The following ATP10B variants were observed in gnomAD, a reference collection of about 807,000 sequenced individuals.
The protein encoded by ATP10B is phospholipid-transporting ATPase VB.
ATP10B carries 122 observed loss-of-function variants against 141.2 expected under a neutral mutation model. The observed-to-expected ratio is 0.86, with a 90% CI of 0.75 to 1.00. The LOEUF (loss-of-function observed/expected upper bound fraction) is 1.00. ATP10B is among the 50% of genes least tolerant of loss of function. The pLI is 0.00. For synonymous variants in ATP10B, 685 were observed against 692.0 expected (o/e 0.99, Z 0.16); for missense variants, 1,876 against 1,825.3 (o/e 1.03, Z -0.51).
At chr5:160,812,875 G>A (rs1773273087) in intron 1 of ATP10B, among the ~76,000 whole-genome samples, 1 of 152,094 alleles carries the variant, frequency 6.6e-6, no homozygotes, top group Non-Finnish European at 1.5e-5. Context: ...CAAATCTAAG[G>A]AAACATATTA....
At chr5:160,666,602 A>T (rs1022862313) in intron 7 of ATP10B, among the ~76,000 whole-genome samples, 2 of 152,122 alleles carry the variant, frequency 1.3e-5, no homozygotes, top group African/African-American at 2.4e-5. Context: ...TGCAACATTT[A>T]TTTTTCTTGC....
rs766497838 is a variant in ATP10B, at chr5:160,589,651, T to C, written c.3691A>G (p.Ile1231Val). 5.6e-5 allele frequency: 91 copies of C among 1,614,028 alleles called. No homozygotes were observed. Among genetic ancestry groups the C allele is most frequent in the Middle Eastern group, 1.6e-4 (1 of 6,084 alleles). Reference protein sequence around the residue: ...DIDVFTFGTPINTISLTTILL... With the variant: ...DIDVFTFGTPVNTISLTTILL... Reference sequence around the variant, plus strand: ...ATTGTGGTGAGGGAGATGGTGTTGATTGGTGTCCCAAAGGTAAAGACATCT... The same window carrying C: ...ATTGTGGTGAGGGAGATGGTGTTGACTGGTGTCCCAAAGGTAAAGACATCT... The change falls in exon 24 of 26, where the codon ATC (isoleucine) becomes GTC (valine). Residue 1231 changes from isoleucine (I) to valine (V), a missense_variant. Transcript: ENST00000327245.
chr5:160,918,939 G>C, the ATP10B span, among the ~76,000 whole-genome samples: 27 of 152,106 alleles, frequency 1.8e-4, no homozygotes, highest in South Asian at 4.1e-4. Flanking sequence ...ACAAAGCAGG[G>C]AGTGGGCCGG....
the ATP10B span, among the ~76,000 whole-genome samples, chr5:160,888,222 G>C: frequency 6.6e-6 from 1 of 152,170 alleles, no homozygotes; most frequent in Non-Finnish European, 1.5e-5. Context: ...TGCCTAATTA[G>C]AGGATAAAAT....
chr5:160,748,991 A>G (rs1336143283), intron 2 of ATP10B, among the ~76,000 whole-genome samples: 2 of 152,204 alleles, frequency 1.3e-5, no homozygotes, highest in East Asian at 3.8e-4. Flanking sequence ...TTTTGTACAG[A>G]CAAGGAAATA....
chr5:160,815,866 A>G (rs1162795136), intron 1 of ATP10B, among the ~76,000 whole-genome samples: 2 of 152,244 alleles, frequency 1.3e-5, no homozygotes, highest in Non-Finnish European at 2.9e-5. Flanking sequence ...ACTCACTTAA[A>G]ACCACTCAAC....
At chr5:160,572,197 T>TTC (rs1554090957) in intron 24 of ATP10B, among the ~76,000 whole-genome samples, 75 of 151,524 alleles carry the variant, frequency 4.9e-4, no homozygotes, top group African/African-American at 1.5e-3. Flanking sequence ...AGTTTTTTTT[T>TTC]CCCCTTTTTT....
At position 160,680,782 on chromosome 5, in the gene ATP10B, ATCCCATCTCTTGCC is replaced by A. The variant is rs1561745494; in HGVS notation, c.470+5283_470+5296del. 1.5e-4 allele frequency among the ~76,000 whole-genome samples: 23 copies of A among 152,340 alleles called. 1 individual carries two copies. In the East Asian group the frequency reaches 4.2e-3, roughly 28 times the overall value. On this transcript the variant is annotated intron_variant, in intron 6 of 25. Coordinates refer to ENST00000327245, the MANE Select transcript of ATP10B (RefSeq NM_025153.3). ...GCTCAGGTATAACCTAGTTAGTACA[ATCCCATCTCTTGCC>A]CCTAGGGATTGGTTTAGGGATGAAC... is the stretch of plus-strand genomic sequence containing the variant.
At chr5:160,881,868 G>T in the ATP10B span, among the ~76,000 whole-genome samples, 1 of 152,130 alleles carries the variant, frequency 6.6e-6, no homozygotes, top group African/African-American at 2.4e-5. Flanking sequence ...ACGCAACCAA[G>T]ATTTCCTTCT....
chr5:160,854,262 G>T (rs1196818980), upstream of ATP10B, among the ~76,000 whole-genome samples: 2 of 152,020 alleles, frequency 1.3e-5, no homozygotes. Context: ...GTGCCATGGT[G>T]GTTTGCTGCA....
intron 14 of ATP10B, among the ~76,000 whole-genome samples, chr5:160,621,356 A>T (rs1369420286): frequency 1.3e-5 from 2 of 152,172 alleles, no homozygotes; most frequent in Non-Finnish European, 2.9e-5. Context: ...GTGTGTAGGG[A>T]GTAGAGTTGG....
the ATP10B span, among the ~76,000 whole-genome samples, chr5:160,889,565 GC>G: frequency 7.9e-5 from 12 of 152,218 alleles, no homozygotes; most frequent in Non-Finnish European, 1.5e-4. Context: ...CATTCAACAA[GC>G]CTTTGAGCAC....
chr5:160,907,638 G>A, the ATP10B span, among the ~76,000 whole-genome samples: 2 of 152,152 alleles, frequency 1.3e-5, no homozygotes, highest in Non-Finnish European at 2.9e-5. Flanking sequence ...TGGGATTACA[G>A]GCATGAGCCA....
At position 160,748,259 on chromosome 5, in the gene ATP10B, C is replaced by T. The variant is rs77012249; in HGVS notation, c.-330-31225G>A. The stretch of plus-strand genomic sequence containing the variant: ...CCCAGCATCTTGAAACTGACTTTAA[C>T]AGGCTTCTTAACATTCAGCACAGCC... On this transcript the variant is annotated intron_variant, in intron 2 of 25. Transcript: ENST00000327245. Among the ~76,000 whole-genome samples, 1,005 of 152,308 alleles carry T rather than the reference C, an allele frequency of 6.6e-3. 30 individuals carry two copies. The East Asian group carries it at 0.092, about 14-fold the overall frequency.
chr5:160,903,375 G>A, the ATP10B span, among the ~76,000 whole-genome samples: 2 of 152,170 alleles, frequency 1.3e-5, no homozygotes, highest in South Asian at 2.1e-4. Flanking sequence ...CATCCCTAGA[G>A]CACAGAAAGA....
intron 2 of ATP10B, among the ~76,000 whole-genome samples, chr5:160,720,553 C>T (rs1009240528): frequency 1.3e-5 from 2 of 152,194 alleles, no homozygotes; most frequent in Non-Finnish European, 2.9e-5. Context: ...TTCAATCAGG[C>T]GTTGGCCAAG....
At chr5:160,782,017 A>C (rs2127883249) in intron 2 of ATP10B, among the ~76,000 whole-genome samples, 1 of 152,326 alleles carries the variant, frequency 6.6e-6, no homozygotes, top group African/African-American at 2.4e-5. Context: ...TGTGGGATAG[A>C]AAGTATTATA....
At chr5:160,846,142 CAA>C (rs1776102783) in intron 1 of ATP10B, among the ~76,000 whole-genome samples, 1 of 152,000 alleles carries the variant, frequency 6.6e-6, no homozygotes, top group African/African-American at 2.4e-5. Context: ...TGTCAGTCCA[CAA>C]ACTGTTTACT....
intron 22 of ATP10B, among the ~76,000 whole-genome samples, chr5:160,594,289 A>G (rs867573358): frequency 4.6e-5 from 7 of 152,344 alleles, no homozygotes; most frequent in South Asian, 4.1e-4. Flanking sequence ...AGCCAAACTA[A>G]GCTTCATAAG....
Sources: gnomAD v4.1 joint callset for allele counts (sites outside exome capture counted in the v4.1 genomes callset) on GRCh38, gnomAD v4.1.1 for gene constraint, MANE v1.5 for transcripts, NCBI Gene and HGNC (gene_info 2026-07-23, HGNC 2026-07-21) for gene names.